MYO3A: variants seen among roughly 807,000 people sequenced by gnomAD.
MYO3A encodes myosin-IIIa.
MYO3A carries 180 observed loss-of-function variants against 192.7 expected under a neutral mutation model. That is an observed-to-expected ratio of 0.93 (90% CI 0.83 to 1.06). The LOEUF (loss-of-function observed/expected upper bound fraction) is 1.06, where lower values mean the gene tolerates loss of function less well. MYO3A is among the 50% of genes least tolerant of loss of function. MYO3A has a pLI of 0.00. For missense variants in MYO3A, 1,896 were observed against 1,905.0 expected, an observed-to-expected ratio of 1.00 and a Z score of 0.09; for synonymous variants, 628 against 645.3, an observed-to-expected ratio of 0.97 and a Z score of 0.41.
chr10:25,944,894 G>A (rs1279725779), intron 2 of MYO3A, among the ~76,000 whole-genome samples: 1 of 151,866 alleles, frequency 6.6e-6, no homozygotes, highest in Non-Finnish European at 1.5e-5. Flanking sequence ...TATCTCTGCT[G>A]CATCTTCATT....
At chr10:26,110,049 C>T (rs1588972181) in intron 17 of MYO3A, among the ~76,000 whole-genome samples, 1 of 152,112 alleles carries the variant, frequency 6.6e-6, no homozygotes, top group East Asian at 1.9e-4. Context: ...AATGGCAAGC[C>T]AAGATTGAAT....
intron 4 of MYO3A, among the ~76,000 whole-genome samples, chr10:25,983,261 GTT>G (rs374643116): frequency 7.0e-6 from 1 of 141,980 alleles, no homozygotes; most frequent in Non-Finnish European, 1.5e-5. Flanking sequence ...AATGATTTTT[GTT>G]TTTTTTTTTT....
chr10:26,060,366 G>A lies in MYO3A; in HGVS notation c.954-6609G>A, dbSNP rs188109574. On this transcript the variant is annotated intron_variant, in intron 10 of 34. Transcript: ENST00000642920. ...GCCTGTAATCCCAGTTACTCGGGATGCTGAGGCAGGAGAATCGCTTGAACC... is the reference window on the plus strand; with the variant it reads ...GCCTGTAATCCCAGTTACTCGGGATACTGAGGCAGGAGAATCGCTTGAACC... Among the ~76,000 whole-genome samples, 88 of 152,236 alleles carry A rather than the reference G, an allele frequency of 5.8e-4. 1 individual carries two copies. Among genetic ancestry groups the A allele is most frequent in the African/African-American group, 1.9e-3 (78 of 41,552 alleles).
intron 20 of MYO3A, among the ~76,000 whole-genome samples, chr10:26,132,893 C>T (rs989535032): frequency 1.3e-5 from 2 of 152,194 alleles, no homozygotes; most frequent in Non-Finnish European, 2.9e-5. Flanking sequence ...CAGCTGCTCA[C>T]ATTCTAAAGT....
At chr10:25,952,332 T>A (rs1165913623) in intron 3 of MYO3A, 54 bp downstream of exon 3, 4 of 1,507,518 alleles carry the variant, frequency 2.7e-6, no homozygotes, top group Non-Finnish European at 3.7e-6. Context: ...TATGAAACAC[T>A]TAAAAAGACT....
At chr10:26,013,373 G>A (rs1269361251) in intron 6 of MYO3A, among the ~76,000 whole-genome samples, 1 of 151,894 alleles carries the variant, frequency 6.6e-6, no homozygotes, top group African/African-American at 2.4e-5. Flanking sequence ...TGGAATCTAT[G>A]CATCCAACAA....
intron 6 of MYO3A, among the ~76,000 whole-genome samples, chr10:26,005,302 GC>G (rs1452834507): frequency 2.0e-5 from 3 of 151,476 alleles, no homozygotes; most frequent in African/African-American, 7.3e-5. Context: ...AGAACAACTG[GC>G]CTGAAATCTT....
intron 4 of MYO3A, among the ~76,000 whole-genome samples, chr10:25,980,154 G>T (rs1005876297): frequency 6.6e-6 from 1 of 151,588 alleles, no homozygotes; most frequent in Non-Finnish European, 1.5e-5. Flanking sequence ...GGAGAATGTG[G>T]TGAACCTGGG....
At chr10:25,950,114 T>C (rs2130527197) in intron 2 of MYO3A, among the ~76,000 whole-genome samples, 1 of 152,266 alleles carries the variant, frequency 6.6e-6, no homozygotes, top group Admixed American at 6.5e-5. Context: ...TCATAAAGGT[T>C]GGTCAGGGAG....
chr10:26,179,381 G>T (rs1001909704), intron 31 of MYO3A, among the ~76,000 whole-genome samples: 1 of 152,072 alleles, frequency 6.6e-6, no homozygotes, highest in Non-Finnish European at 1.5e-5. Flanking sequence ...GGGATTACAG[G>T]CTTGAGCCAC....
rs10543438 is a variant in MYO3A at position 25,959,802 on chromosome 10, G to GGTGTGT, written c.303+4815_303+4820dup. On this transcript the variant is annotated intron_variant, in intron 4 of 34. Coordinates refer to ENST00000642920, the MANE Select transcript of MYO3A (RefSeq NM_017433.5). ...ACAAAATTTCCAGTCTCTTAACCTG[G>GGTGTGT]GTGTGTGTGTGTGTGTGTGTGTGTG... Among the ~76,000 whole-genome samples, 722 of 149,510 alleles carry GGTGTGT rather than the reference G, an allele frequency of 4.8e-3. 3 individuals carry two copies. The highest frequency in any genetic ancestry group is 9.3e-3 in the Admixed American group (139 of 14,982).
At chr10:25,998,444 G>A (rs1840585648) in intron 6 of MYO3A, among the ~76,000 whole-genome samples, 1 of 152,286 alleles carries the variant, frequency 6.6e-6, no homozygotes, top group South Asian at 2.1e-4. Flanking sequence ...CTGAGCAGCA[G>A]TGAATTTGTG....
chr10:26,044,462 A>T (rs1245405337), intron 10 of MYO3A, among the ~76,000 whole-genome samples: 2 of 152,150 alleles, frequency 1.3e-5, no homozygotes, highest in African/African-American at 2.4e-5. Flanking sequence ...GACCACGGGG[A>T]TGGGCGATTC....
intron 27 of MYO3A, among the ~76,000 whole-genome samples, chr10:26,166,518 G>A (rs1352858150): frequency 6.6e-6 from 1 of 151,942 alleles, no homozygotes; most frequent in East Asian, 1.9e-4. Flanking sequence ...TCCAGCCTAT[G>A]CAACTTAAGA....
chr10:26,187,089 T>C (rs1219828713), intron 31 of MYO3A, among the ~76,000 whole-genome samples: 1 of 152,206 alleles, frequency 6.6e-6, no homozygotes, highest in African/African-American at 2.4e-5. Flanking sequence ...TATCTACTAT[T>C]CACTTAGCAC....
intron 6 of MYO3A, among the ~76,000 whole-genome samples, chr10:26,005,400 G>A (rs10828929): frequency 0.094 from 14,276 of 152,150 alleles, 1,176 homozygotes; most frequent in African/African-American, 0.21. Flanking sequence ...ACAACTAAAA[G>A]CACCACATAA....
Position 26,019,596 on chromosome 10 carries a change from G to A in MYO3A, c.586-1907G>A, listed in dbSNP as rs570753309. ...CTCCCAAAGTGCTGGGATTACAGGCGTGAGCCACTGTACCTGGCCTGGGTA... is the reference window on the plus strand; with the variant it reads ...CTCCCAAAGTGCTGGGATTACAGGCATGAGCCACTGTACCTGGCCTGGGTA... On this transcript the variant is annotated intron_variant, in intron 7 of 34. Coordinates refer to ENST00000642920, the MANE Select transcript of MYO3A (RefSeq NM_017433.5). Among the ~76,000 whole-genome samples the A allele has an allele frequency of 7.2e-5, 11 of 152,268 alleles. No homozygotes were observed. In the South Asian group the frequency reaches 1.5e-3, roughly 20 times the overall value.
At chr10:26,204,995 A>G (rs1417284316) in intron 34 of MYO3A, among the ~76,000 whole-genome samples, 1 of 152,234 alleles carries the variant, frequency 6.6e-6, no homozygotes, top group Non-Finnish European at 1.5e-5. Flanking sequence ...AGACTAAGCT[A>G]CATGTCAGAA....
intron 10 of MYO3A, among the ~76,000 whole-genome samples, chr10:26,028,457 A>T (rs535778395): frequency 1.3e-5 from 2 of 152,236 alleles, no homozygotes; most frequent in African/African-American, 4.8e-5. Flanking sequence ...AAAGAAGCAG[A>T]TATGTAGTTT....
Sources: gnomAD v4.1 joint callset for allele counts (sites outside exome capture counted in the v4.1 genomes callset) on GRCh38, gnomAD v4.1.1 for gene constraint, MANE v1.5 for transcripts, NCBI Gene and HGNC (gene_info 2026-07-23, HGNC 2026-07-21) for gene names.